CUBN: variants seen among roughly 807,000 people sequenced by gnomAD.
CUBN encodes cubilin.
CUBN carries 282 observed loss-of-function variants against 405.3 expected under a neutral mutation model. That is an observed-to-expected ratio of 0.70 (90% confidence interval 0.63 to 0.77). The LOEUF is 0.77. CUBN is among the 30% of genes least tolerant of loss of function. CUBN has a pLI of 0.00. For synonymous variants in CUBN, 1,684 were observed against 1,617.0 expected (o/e 1.04, Z -0.99); for missense variants, 4,514 against 4,475.2 (o/e 1.01, Z -0.25).
chr10:16,867,347 C>T (rs777802029), intron 59 of CUBN, among the ~76,000 whole-genome samples: 2 of 152,170 alleles, frequency 1.3e-5, no homozygotes, highest in African/African-American at 2.4e-5. Context: ...ACCCTATAAA[C>T]CTTACAGTCA....
chr10:16,851,486 C>G (rs766073600), intron 59 of CUBN, 43 bp from the exon 60 acceptor site: 2 of 1,546,428 alleles, frequency 1.3e-6, no homozygotes, highest in Non-Finnish European at 1.8e-6. Context: ...CAAACAGAAC[C>G]GACCTTACAT....
intron 31 of CUBN, chr10:16,965,896 G>C (rs1843378619): frequency 2.0e-5 from 9 of 457,530 alleles, no homozygotes; most frequent in Non-Finnish European, 4.5e-6. Context: ...AAACATACAT[G>C]ACTTGCCCAA....
intron 22 of CUBN, among the ~76,000 whole-genome samples, chr10:17,050,844 C>T (rs566105572): frequency 3.3e-5 from 5 of 151,982 alleles, no homozygotes. Flanking sequence ...TAGAGGGGCT[C>T]GAGAAACAGG....
At chr10:16,982,750 G>C (rs2131697832) in intron 30 of CUBN, 97 bp from the exon 31 acceptor site, 3 of 1,107,250 alleles carry the variant, frequency 2.7e-6, no homozygotes, top group Non-Finnish European at 4.0e-6. Flanking sequence ...TACTTTGCTT[G>C]AATCAGTTAG....
chr10:17,101,629 G>A (rs111536302), intron 13 of CUBN, among the ~76,000 whole-genome samples: 3,708 of 152,266 alleles, frequency 0.024, 151 homozygotes, highest in African/African-American at 0.082. Context: ...TCCAGGAGGT[G>A]GTTGAGAAAC....
At chr10:16,990,080 T>C (rs1833536910) in intron 29 of CUBN, among the ~76,000 whole-genome samples, 1 of 152,208 alleles carries the variant, frequency 6.6e-6, no homozygotes, top group South Asian at 2.1e-4. Context: ...CTTCACTCAC[T>C]CGTCCTGGGC....
intron 41 of CUBN, among the ~76,000 whole-genome samples, chr10:16,927,012 A>T (rs974831382): frequency 1.1e-4 from 16 of 152,006 alleles, no homozygotes; most frequent in African/African-American, 3.6e-4. Context: ...TCCAAAGTCC[A>T]TTATACCACT....
At chr10:17,106,683 G>A (rs942106259) in intron 10 of CUBN, among the ~76,000 whole-genome samples, 4 of 151,432 alleles carry the variant, frequency 2.6e-5, no homozygotes, top group East Asian at 1.9e-4. Flanking sequence ...AGCCTGTCCC[G>A]GCCAAGGACA....
At chr10:16,963,279 A>G (rs1409986999) in intron 31 of CUBN, among the ~76,000 whole-genome samples, 3 of 128,142 alleles carry the variant, frequency 2.3e-5, no homozygotes, top group African/African-American at 6.0e-5. Flanking sequence ...TCTGCCTTCC[A>G]GGTTCAAGTG....
intron 30 of CUBN, 64 bp from the exon 31 acceptor site, chr10:16,982,717 C>T (rs1487516263): frequency 3.5e-6 from 5 of 1,416,954 alleles, no homozygotes; most frequent in African/African-American, 2.8e-5. Context: ...TAATCCATTA[C>T]CTGGTTGTAT....
At chr10:16,884,998 A>T (rs1476121994) in intron 56 of CUBN, among the ~76,000 whole-genome samples, 1 of 152,204 alleles carries the variant, frequency 6.6e-6, no homozygotes, top group Non-Finnish European at 1.5e-5. Flanking sequence ...AGGCTCCCTC[A>T]ATAAAGCTAT....
At chr10:16,934,710 A>G (rs1288853075) in intron 39 of CUBN, among the ~76,000 whole-genome samples, 2 of 152,200 alleles carry the variant, frequency 1.3e-5, no homozygotes, top group Non-Finnish European at 2.9e-5. Flanking sequence ...TGGCCAATGA[A>G]CTATGAGCAA....
chr10:16,984,036 C>T, intron 30 of CUBN, 69 bp downstream of exon 30: 2 of 1,558,546 alleles, frequency 1.3e-6, no homozygotes, highest in South Asian at 2.2e-5. Flanking sequence ...ATACGTTTTC[C>T]CAAGCATTTC....
chr10:16,870,979 TA>T (rs1368525303), intron 58 of CUBN, among the ~76,000 whole-genome samples: 4 of 152,146 alleles, frequency 2.6e-5, no homozygotes, highest in African/African-American at 9.6e-5. Flanking sequence ...AAAACTTGTT[TA>T]AAAAAATAAT....
In CUBN at chr10:16,952,283, T is replaced by G. The variant is rs1564443927; in HGVS notation, c.4962A>C (p.Gln1654His). ...TTCATTTTTGTTACTTACATGGAGGTTGCGCTTGAATGATCCAGCTGCAGT... is the reference window on the plus strand; with the variant it reads ...TTCATTTTTGTTACTTACATGGAGGGTGCGCTTGAATGATCCAGCTGCAGT... ...NQNCSWIIQA[Q>H]PPLNHITLSF... The change falls in exon 33 of 67, where the codon CAA becomes CAC. Residue 1654 changes from glutamine (Q) to histidine (H), a missense_variant. Gln to His is a conservative substitution (Grantham distance 24). This residue lies in a region of CUBN where 1,613 missense variants were observed against 1,542.8 expected (regional missense o/e 1.05). Transcript: ENST00000377833. 6.2e-7 allele frequency: 1 copy of G among 1,611,006 alleles called. No individual in the cohort carries two copies. Among genetic ancestry groups the G allele is most frequent in the Non-Finnish European group, 8.5e-7 (1 of 1,177,372 alleles).
chr10:16,955,272 C>T (rs1843024605), intron 31 of CUBN, among the ~76,000 whole-genome samples: 1 of 146,272 alleles, frequency 6.8e-6, no homozygotes, highest in African/African-American at 2.5e-5. Context: ...ACTCAGGAGG[C>T]TGAGGCAGGA....
At chr10:16,856,125 T>C (rs1839862640) in intron 59 of CUBN, among the ~76,000 whole-genome samples, 1 of 152,170 alleles carries the variant, frequency 6.6e-6, no homozygotes. Flanking sequence ...GTCATATATA[T>C]TTACCATACT....
At chr10:17,006,050 G>A (rs1177685814) in intron 28 of CUBN, among the ~76,000 whole-genome samples, 1 of 152,170 alleles carries the variant, frequency 6.6e-6, no homozygotes, top group Non-Finnish European at 1.5e-5. Context: ...GGCCTCAGGA[G>A]AAACCAACCC....
Position 17,104,623 on chromosome 10 carries a change from A to G in CUBN, c.1231-18T>C, listed in dbSNP as rs1836576698. On this transcript the variant is annotated intron_variant, in intron 11 of 66. Coordinates refer to ENST00000377833, the MANE Select transcript of CUBN (RefSeq NM_001081.4). Reference sequence around the variant, plus strand: ...ACAGTGTCCTAAGGGGAAAAAAAACACATAATACCATAAAACAAATGGATA... The same window carrying G: ...ACAGTGTCCTAAGGGGAAAAAAAACGCATAATACCATAAAACAAATGGATA... 1 of 1,598,384 alleles carries G rather than the reference A, an allele frequency of 6.3e-7. No homozygotes were observed. The highest frequency in any genetic ancestry group is 1.1e-5 in the South Asian group (1 of 89,836).
Sources: allele counts gnomAD v4.1 joint callset (sites outside exome capture counted in the v4.1 genomes callset), GRCh38; gene constraint gnomAD v4.1.1; regional missense constraint gnomAD v4.1.1; transcripts MANE v1.5; gene names NCBI Gene and HGNC (gene_info 2026-07-23, HGNC 2026-07-21).